Variants in TMPRSS12 observed in about 807,000 individuals in gnomAD.
The protein encoded by TMPRSS12 is transmembrane serine protease 12, also known as transmembrane protease serine 12.
In TMPRSS12, 25 loss-of-function variants were observed where a neutral mutation model predicts 26.0. That is an observed-to-expected ratio of 0.96 (90% CI 0.70 to 1.34). The LOEUF (loss-of-function observed/expected upper bound fraction) is 1.34, where lower values mean the gene tolerates loss of function less well. Ranked by LOEUF, TMPRSS12 falls within the 40% of genes most tolerant of loss-of-function variation. The probability of loss-of-function intolerance (pLI) is 0.00; values close to 1 mark genes in which losing one functional copy is unlikely to be tolerated. For missense variants in TMPRSS12, 441 were observed against 440.1 expected (o/e 1.00, Z -0.02); for synonymous variants, 150 against 161.7 (o/e 0.93, Z 0.55).
chr12:50,881,375 C>T (rs1444883707), intron 3 of TMPRSS12, among the ~76,000 whole-genome samples: 1 of 152,096 alleles, frequency 6.6e-6, no homozygotes, highest in African/African-American at 2.4e-5. Context: ...TACTCTAAAA[C>T]TGGATTGTGG....
chr12:50,876,769 A>G (rs1938117237), intron 3 of TMPRSS12, among the ~76,000 whole-genome samples: 1 of 134,852 alleles, frequency 7.4e-6, no homozygotes, highest in Non-Finnish European at 1.5e-5. Context: ...GTGCCACTGC[A>G]CTCCAGCCTG....
intron 3 of TMPRSS12, among the ~76,000 whole-genome samples, chr12:50,876,022 T>C (rs553782452): frequency 3.7e-4 from 56 of 152,220 alleles, no homozygotes; most frequent in Admixed American, 1.4e-3. Flanking sequence ...AGGTCTACTA[T>C]CCAGGATCTA....
chr12:50,843,177 G>A (rs1269560043), intron 1 of TMPRSS12, 26 bp downstream of exon 1: 4 of 1,526,336 alleles, frequency 2.6e-6, no homozygotes, highest in South Asian at 1.2e-5. Flanking sequence ...GCCTGTCTCT[G>A]GGGAGCCTCT....
At chr12:50,885,806 T>C in intron 4 of TMPRSS12, 3 of 339,510 alleles carry the variant, frequency 8.8e-6, no homozygotes, top group Non-Finnish European at 1.6e-5. Context: ...CAGGCACACA[T>C]CACTATGCCC....
At chr12:50,848,930 T>A (rs1476755149) in intron 2 of TMPRSS12, among the ~76,000 whole-genome samples, 4 of 152,240 alleles carry the variant, frequency 2.6e-5, no homozygotes, top group African/African-American at 9.6e-5. Flanking sequence ...AGTAGCACAG[T>A]CTTGGCTCAC....
chr12:50,870,403 G>A (rs1938031285), intron 3 of TMPRSS12, among the ~76,000 whole-genome samples: 1 of 150,910 alleles, frequency 6.6e-6, no homozygotes, highest in African/African-American at 2.4e-5. Flanking sequence ...ATCCAGCATC[G>A]TTTTATGATT....
At position 50,843,776 on chromosome 12, in the gene TMPRSS12, T is replaced by C. The variant is rs1937736877; in HGVS notation, c.188-66T>C. ...GAATTTAAAGGATTGCATTAATATG[T>C]TCAGCTTAGGAAGTAACACATACTA... On this transcript the variant is annotated intron_variant, in intron 1 of 4. Coordinates refer to ENST00000398458, the MANE Select transcript of TMPRSS12 (RefSeq NM_182559.3). 1.1e-5 allele frequency: 16 copies of C among 1,466,728 alleles called. No individual in the cohort carries two copies. The South Asian group carries it at 2.0e-4, about 19-fold the overall frequency. The allele number at this position is 1,466,728 out of a possible 1,614,324, so 90.9% of individuals were successfully genotyped here.
rs562383849 is a variant in TMPRSS12 at position 50,884,063 on chromosome 12, T to A, written c.653-1183T>A. ...CTTGATGGAATTCATCACAGATTGG[T>A]TAAAGGATAAAAAATATTTTCTGAA... On this transcript the variant is annotated intron_variant, in intron 3 of 4. Coordinates refer to ENST00000398458, the MANE Select transcript of TMPRSS12 (RefSeq NM_182559.3). 1.2e-4 allele frequency among the ~76,000 whole-genome samples: 18 copies of A among 152,268 alleles called. No homozygotes were observed. The South Asian group carries it at 3.5e-3, about 30-fold the overall frequency.
intron 3 of TMPRSS12, among the ~76,000 whole-genome samples, chr12:50,879,629 T>C (rs1254374626): frequency 6.6e-6 from 1 of 152,118 alleles, no homozygotes; most frequent in Non-Finnish European, 1.5e-5. Context: ...AGGCTGAAAG[T>C]AGTCATGTGT....
At chr12:50,881,543 G>A (rs1565937857) in intron 3 of TMPRSS12, among the ~76,000 whole-genome samples, 1 of 152,072 alleles carries the variant, frequency 6.6e-6, no homozygotes, top group Non-Finnish European at 1.5e-5. Context: ...ACTACTAAAT[G>A]ACTCATATGT....
chr12:50,881,222 A>T (rs1048320957), intron 3 of TMPRSS12, among the ~76,000 whole-genome samples: 1 of 152,010 alleles, frequency 6.6e-6, no homozygotes, highest in Non-Finnish European at 1.5e-5. Flanking sequence ...ACCTCAGGTA[A>T]TCTGCCCGCC....
rs568144851 is a variant in TMPRSS12, at chr12:50,846,573, GTTTTTGT to G, written c.383+2547_383+2553del. 9.9e-5 allele frequency among the ~76,000 whole-genome samples: 15 copies of G among 151,934 alleles called. No individual in the cohort carries two copies. The South Asian group carries it at 3.1e-3, about 32-fold the overall frequency. On this transcript the variant is annotated intron_variant, in intron 2 of 4. Transcript: ENST00000398458. ...ATAGTAAGTATTTTTTCTTGGTGGTGTTTTTGTTTTTTGTTTTGTTTTTTAGACAGAG... is the reference window on the plus strand; with the variant it reads ...ATAGTAAGTATTTTTTCTTGGTGGTGTTTTTGTTTTGTTTTTTAGACAGAG...
chr12:50,883,554 C>T (rs1341918028), intron 3 of TMPRSS12, among the ~76,000 whole-genome samples: 1 of 152,026 alleles, frequency 6.6e-6, no homozygotes, highest in Non-Finnish European at 1.5e-5. Flanking sequence ...TGTGGTGGTA[C>T]ACACCTGTAA....
At chr12:50,855,689 G>A (rs566327745) in intron 2 of TMPRSS12, among the ~76,000 whole-genome samples, 1 of 152,260 alleles carries the variant, frequency 6.6e-6, no homozygotes, top group African/African-American at 2.4e-5. Context: ...GTTTGACCCA[G>A]CAATCCCATT....
chr12:50,858,063 C>T (rs1316533436), intron 2 of TMPRSS12, among the ~76,000 whole-genome samples: 8 of 152,112 alleles, frequency 5.3e-5, no homozygotes, highest in Non-Finnish European at 8.8e-5. Flanking sequence ...AGGATGGTCT[C>T]GATCTCCTGA....
chr12:50,855,790 G>C (rs1479173722), intron 2 of TMPRSS12, among the ~76,000 whole-genome samples: 2 of 152,098 alleles, frequency 1.3e-5, no homozygotes, highest in African/African-American at 2.4e-5. Flanking sequence ...CAATAGCAAA[G>C]ACATGGAATC....
intron 3 of TMPRSS12, among the ~76,000 whole-genome samples, chr12:50,872,895 G>A (rs1266081954): frequency 2.0e-5 from 2 of 100,790 alleles, no homozygotes; most frequent in African/African-American, 4.2e-5. Flanking sequence ...ACGTATATAT[G>A]TACATATATA....
At chr12:50,870,163 C>T (rs1938028821) in intron 3 of TMPRSS12, among the ~76,000 whole-genome samples, 1 of 152,042 alleles carries the variant, frequency 6.6e-6, no homozygotes, top group African/African-American at 2.4e-5. Context: ...CACTGCACTC[C>T]AGCCTGGGCA....
intron 1 of TMPRSS12, 58 bp downstream of exon 1, chr12:50,843,209 T>C (rs1476326509): frequency 8.3e-6 from 12 of 1,445,926 alleles, no homozygotes; most frequent in Non-Finnish European, 9.1e-7. Flanking sequence ...CCCACCGCTA[T>C]AGTCTTTGAA....
Sources: gnomAD v4.1 joint callset for allele counts (sites outside exome capture counted in the v4.1 genomes callset) on GRCh38, gnomAD v4.1.1 for gene constraint, MANE v1.5 for transcripts, NCBI Gene and HGNC (gene_info 2026-07-23, HGNC 2026-07-21) for gene names.